UNC80: variants seen among roughly 807,000 people sequenced by gnomAD.
UNC80 encodes unc-80 subunit of NALCN channel complex, also known as protein unc-80 homolog.
UNC80 carries 164 observed loss-of-function variants against 384.6 expected under a neutral mutation model. That is an observed-to-expected ratio of 0.43 (90% CI 0.38 to 0.49). The LOEUF is 0.49. Ranked by LOEUF, UNC80 falls within the 20% of genes least tolerant of loss-of-function variation. The pLI is 0.00. For missense variants in UNC80, 3,330 were observed against 4,143.0 expected, an observed-to-expected ratio of 0.80 and a Z score of 5.39; for synonymous variants, 1,486 against 1,527.8, an observed-to-expected ratio of 0.97 and a Z score of 0.64.
intron 7 of UNC80, among the ~76,000 whole-genome samples, chr2:209,812,557 C>A (rs1348992797): frequency 3.3e-5 from 5 of 152,078 alleles, no homozygotes; most frequent in Non-Finnish European, 1.5e-5. Context: ...TTTGCTAGTT[C>A]ATGGTAGGGT....
At chr2:209,933,734 C>G in intron 38 of UNC80, 88 bp from the exon 39 acceptor site, 2 of 1,192,218 alleles carry the variant, frequency 1.7e-6, no homozygotes, top group Non-Finnish European at 2.3e-6. Flanking sequence ...AGAAGAAGGT[C>G]GAGTTTAAAA....
chr2:209,942,648 A>G (rs368895075), intron 44 of UNC80, among the ~76,000 whole-genome samples: 270 of 152,292 alleles, frequency 1.8e-3, no homozygotes, highest in African/African-American at 6.0e-3. Context: ...GAAAGTTACT[A>G]TCACAGGACT....
At chr2:209,852,644 C>T (rs948789132) in intron 22 of UNC80, among the ~76,000 whole-genome samples, 1 of 152,056 alleles carries the variant, frequency 6.6e-6, no homozygotes, top group African/African-American at 2.4e-5. Flanking sequence ...ATATGTCGTA[C>T]GTGCTTGAAT....
intron 51 of UNC80, among the ~76,000 whole-genome samples, chr2:209,963,926 G>A (rs1320546622): frequency 2.0e-5 from 3 of 152,198 alleles, no homozygotes; most frequent in Admixed American, 6.5e-5. Context: ...ACCTCTCACA[G>A]TGTGGACCTC....
In UNC80 at chr2:209,928,977, A is replaced by G. The variant is rs573973788; in HGVS notation, c.5807-894A>G. 2.0e-5 allele frequency among the ~76,000 whole-genome samples: 3 copies of G among 152,304 alleles called. No individual in the cohort carries two copies. The South Asian group carries it at 6.2e-4, about 32-fold the overall frequency. On this transcript the variant is annotated intron_variant, in intron 36 of 64. Transcript: ENST00000673920. ...TTTCACATGTAAAGATATTTTTGCAATCAATATCAACCTGAGAAAAACTCA... is the reference window on the plus strand; with the variant it reads ...TTTCACATGTAAAGATATTTTTGCAGTCAATATCAACCTGAGAAAAACTCA...
intron 22 of UNC80, among the ~76,000 whole-genome samples, chr2:209,856,874 A>G (rs1257416862): frequency 6.6e-6 from 1 of 151,420 alleles, no homozygotes; most frequent in Non-Finnish European, 1.5e-5. Flanking sequence ...TGCAACCTCC[A>G]CCTCCCAGGT....
intron 4 of UNC80, among the ~76,000 whole-genome samples, chr2:209,785,797 G>T (rs2077392728): frequency 6.6e-6 from 1 of 152,204 alleles, no homozygotes; most frequent in Non-Finnish European, 1.5e-5. Flanking sequence ...ACAATAGTTT[G>T]TGTATCCCAT....
At chr2:209,926,697 G>A (rs2090462769) in intron 35 of UNC80, 146 bp from the exon 36 acceptor site, 7 of 952,560 alleles carry the variant, frequency 7.3e-6, no homozygotes, top group Non-Finnish European at 1.1e-5. Context: ...GATCTCTTGA[G>A]CCCAAGAAGT....
In UNC80 at chr2:209,939,438, C is replaced by G. The variant is rs142205095; in HGVS notation, c.6466-34C>G. 3 of 1,526,230 alleles carry G rather than the reference C, an allele frequency of 2.0e-6. No individual in the cohort carries two copies. In the African/African-American group the frequency reaches 4.1e-5, roughly 21 times the overall value. The allele number at this position is 1,526,230 out of a possible 1,614,324, so 94.5% of individuals were successfully genotyped here. ...CTATAAATCTGGAGTTTCTAATACT[C>G]CTTTTTGTCTGCTCCTGCTTTTGTT... On this transcript the variant is annotated intron_variant, in intron 42 of 64. Transcript: ENST00000673920.
chr2:209,958,400 C>A (rs1437096268), intron 49 of UNC80, among the ~76,000 whole-genome samples: 1 of 152,118 alleles, frequency 6.6e-6, no homozygotes, highest in Non-Finnish European at 1.5e-5. Context: ...GAATAGTTGG[C>A]CTGGAAATCA....
At chr2:209,966,041 C>T (rs911544995) in intron 51 of UNC80, among the ~76,000 whole-genome samples, 1 of 152,146 alleles carries the variant, frequency 6.6e-6, no homozygotes, top group African/African-American at 2.4e-5. Context: ...CTGATGCCAT[C>T]CACACATGCA....
chr2:209,993,249 A>G, intron 62 of UNC80, 66 bp from the exon 63 acceptor site: 1 of 1,243,284 alleles, frequency 8.0e-7, no homozygotes, highest in Non-Finnish European at 1.1e-6. Flanking sequence ...ACATATAAAT[A>G]AAGAAACAAT....
At chr2:209,862,291 A>T (rs925961311) in intron 22 of UNC80, among the ~76,000 whole-genome samples, 4 of 152,018 alleles carry the variant, frequency 2.6e-5, no homozygotes, top group Admixed American at 2.6e-4. Context: ...AGAAGAATGT[A>T]TGTTCTGTTG....
chr2:209,886,084 A>C (rs1038200163), intron 25 of UNC80, among the ~76,000 whole-genome samples: 1 of 152,228 alleles, frequency 6.6e-6, no homozygotes, highest in East Asian at 1.9e-4. Context: ...CTTATTGATG[A>C]GAATCAAAAG....
At chr2:209,967,852 G>T in intron 52 of UNC80, 1 of 447,932 alleles carries the variant, frequency 2.2e-6, no homozygotes. Context: ...TGCTCATCTT[G>T]AAAAAAATCT....
intron 4 of UNC80, among the ~76,000 whole-genome samples, chr2:209,782,745 C>T (rs932926403): frequency 7.2e-5 from 11 of 151,884 alleles, no homozygotes; most frequent in Non-Finnish European, 1.2e-4. Flanking sequence ...TTATAATTAG[C>T]TCAAATAGTT....
chr2:209,797,350 G>T (rs565096728), intron 7 of UNC80, among the ~76,000 whole-genome samples: 280 of 152,184 alleles, frequency 1.8e-3, no homozygotes, highest in African/African-American at 6.5e-3. Context: ...ACAGGCCCTG[G>T]TGTGTGTTGT....
chr2:209,931,574 T>C (rs1256360608), intron 38 of UNC80, among the ~76,000 whole-genome samples: 1 of 152,136 alleles, frequency 6.6e-6, no homozygotes, highest in African/African-American at 2.4e-5. Flanking sequence ...GAATATGCAG[T>C]TTGGGGACTA....
intron 51 of UNC80, among the ~76,000 whole-genome samples, chr2:209,962,514 A>G (rs1404136086): frequency 1.3e-5 from 2 of 152,224 alleles, no homozygotes; most frequent in Non-Finnish European, 2.9e-5. Context: ...GATGCCTGTT[A>G]GTATATAAAG....
Sources: allele counts gnomAD v4.1 joint callset (sites outside exome capture counted in the v4.1 genomes callset), GRCh38; gene constraint gnomAD v4.1.1; transcripts MANE v1.5; gene names NCBI Gene and HGNC (gene_info 2026-07-23, HGNC 2026-07-21).